The following CD200 variants were observed in gnomAD, a reference collection of about 807,000 sequenced individuals.
CD200 encodes the protein OX-2 membrane glycoprotein.
In CD200, 15 loss-of-function variants were observed where a neutral mutation model predicts 30.9. The observed-to-expected ratio is 0.49, with a 90% CI of 0.32 to 0.75. CD200 has a LOEUF of 0.75. CD200 is among the 30% of genes least tolerant of loss of function. The probability of loss-of-function intolerance (pLI) is 0.03; values close to 1 mark genes in which losing one functional copy is unlikely to be tolerated. For synonymous variants in CD200, 134 were observed against 126.2 expected (o/e 1.06, Z -0.41); for missense variants, 262 against 324.2 (o/e 0.81, Z 1.47).
chr3:112,347,196 G>C (rs1276921895), intron 3 of CD200, among the ~76,000 whole-genome samples: 2 of 152,236 alleles, frequency 1.3e-5, no homozygotes, highest in East Asian at 3.8e-4. Context: ...GGAATACCCA[G>C]AAGAAGGCAG....
At chr3:112,342,792 AT>A (rs1278594548) in intron 2 of CD200, among the ~76,000 whole-genome samples, 1 of 152,032 alleles carries the variant, frequency 6.6e-6, no homozygotes, top group Admixed American at 6.6e-5. Context: ...ATAATTTATG[AT>A]TTTTTCTATG....
chr3:112,346,752 A>T (rs974880890), intron 3 of CD200, among the ~76,000 whole-genome samples: 4 of 152,246 alleles, frequency 2.6e-5, no homozygotes, highest in African/African-American at 9.6e-5. Flanking sequence ...TCCAAAGCCA[A>T]CCACAGAAAG....
At position 112,359,783 on chromosome 3, in the gene CD200, A is replaced by G. The variant is rs2081701679; in HGVS notation, c.803-1760A>G. Among the ~76,000 whole-genome samples, 3 of 152,234 alleles carry G rather than the reference A, an allele frequency of 2.0e-5. No homozygotes were observed. The South Asian group carries it at 6.2e-4, about 32-fold the overall frequency. ...AGAAATGACAAGTGAATCAACAAAT[A>G]AGGATACTATTAAAACACGAGATTT... On this transcript the variant is annotated intron_variant, in intron 5 of 5. Coordinates refer to ENST00000315711, the MANE Select transcript of CD200 (RefSeq NM_005944.7).
At chr3:112,338,478 A>G (rs2081168353) in intron 1 of CD200, among the ~76,000 whole-genome samples, 1 of 152,214 alleles carries the variant, frequency 6.6e-6, no homozygotes, top group Non-Finnish European at 1.5e-5. Context: ...ATTTCAAGTC[A>G]TTGAAAGAAT....
chr3:112,360,372 T>C (rs1371570976), intron 5 of CD200, among the ~76,000 whole-genome samples: 3 of 151,858 alleles, frequency 2.0e-5, no homozygotes, highest in Non-Finnish European at 4.4e-5. Context: ...GCAGTGTTAC[T>C]CCCAATATGG....
intron 1 of CD200, chr3:112,333,578 C>T (rs2081047133): frequency 2.0e-6 from 2 of 985,298 alleles, no homozygotes; most frequent in South Asian, 4.7e-5. Flanking sequence ...GCTCCAGCTC[C>T]CAAAACTGGG....
chr3:112,347,657 TC>T lies in CD200; in HGVS notation c.524del (p.Pro175LeufsTer10), dbSNP rs1302350168. 6.2e-7 allele frequency: 1 copy of T among 1,613,904 alleles called. No homozygotes were observed. The highest frequency in any genetic ancestry group is 8.5e-7 in the Non-Finnish European group (1 of 1,179,968). On this transcript the variant is annotated frameshift_variant, in exon 4 of 6. Coordinates refer to ENST00000315711, the MANE Select transcript of CD200 (RefSeq NM_005944.7). LOFTEE classifies it high-confidence loss of function. ...CCAGCCCCCATGGTCTTCTGGAAGGTCCCTCGGTCAGGGATTGAAAATAGTA... is the reference window on the plus strand; with the variant it reads ...CCAGCCCCCATGGTCTTCTGGAAGGTCCTCGGTCAGGGATTGAAAATAGTA... ...ARPAPMVFWK[V>X]PRSGIENSTV...
At position 112,340,895 on chromosome 3, in the gene CD200, T is replaced by C; in HGVS notation, c.13-7T>C. The C allele has an allele frequency of 6.3e-7, 1 of 1,577,066 alleles. No individual in the cohort carries two copies. Among genetic ancestry groups the C allele is most frequent in the Non-Finnish European group, 8.7e-7 (1 of 1,147,364 alleles). ...CCCCATTTCTGTACTTTGCTTTCTG[T>C]CTTCAGGTGATCAGGATGCCCTTCT... On this transcript the variant is annotated splice_polypyrimidine_tract_variant and splice_region_variant and intron_variant, in intron 1 of 5. Coordinates refer to ENST00000315711, the MANE Select transcript of CD200 (RefSeq NM_005944.7).
chr3:112,334,391 T>A, intron 1 of CD200: 1 of 252,118 alleles, frequency 4.0e-6, no homozygotes. Flanking sequence ...TCCCCCTATA[T>A]GATTTGATCG....
At chr3:112,335,954 G>A (rs771618235) in intron 1 of CD200, 14 of 1,611,216 alleles carry the variant, frequency 8.7e-6, no homozygotes, top group East Asian at 4.5e-5. Context: ...CTCTGACCAG[G>A]ACAATTGGGG....
At chr3:112,349,955 G>A (rs2108459255) in intron 5 of CD200, 136 bp downstream of exon 5, 2 of 1,331,980 alleles carry the variant, frequency 1.5e-6, no homozygotes, top group Non-Finnish European at 1.9e-6. Flanking sequence ...ATACAGAAAT[G>A]TTGATACTGT....
chr3:112,362,055 T>C lies in CD200; in HGVS notation c.*505T>C, dbSNP rs2081751994. 6.4e-6 allele frequency: 1 copy of C among 155,116 alleles called. No individual in the cohort carries two copies. Among genetic ancestry groups the C allele is most frequent in the Non-Finnish European group, 1.4e-5 (1 of 70,018 alleles). The allele number at this position is 155,116 out of a possible 1,614,324, so 9.6% of individuals were successfully genotyped here. A position where few individuals can be genotyped will look rare whatever the true frequency, so the allele number is the denominator to read the frequency against. On this transcript the variant is annotated 3_prime_UTR_variant, in exon 6 of 6. Transcript: ENST00000315711. ...ACAGAGAGCTTACCTTTTGCCTTTC[T>C]GTTGATGTTACATCTCTTCTTCCTA...
At chr3:112,358,672 C>T (rs747255654) in intron 5 of CD200, among the ~76,000 whole-genome samples, 1 of 151,934 alleles carries the variant, frequency 6.6e-6, no homozygotes, top group Non-Finnish European at 1.5e-5. Flanking sequence ...AGAGCGGCTA[C>T]CTGAAGGTGC....
At position 112,361,923 on chromosome 3, in the gene CD200, C is replaced by A; in HGVS notation, c.*373C>A. ...CATCCAAAGTATAAAGGAATTGGACCAAATAATTTACCACATAGCTCTAAA... is the reference window on the plus strand; with the variant it reads ...CATCCAAAGTATAAAGGAATTGGACAAAATAATTTACCACATAGCTCTAAA... On this transcript the variant is annotated 3_prime_UTR_variant, in exon 6 of 6. Transcript: ENST00000315711. The A allele has an allele frequency of 4.6e-6, 1 of 216,684 alleles. No homozygotes were observed. Among genetic ancestry groups the A allele is most frequent in the Non-Finnish European group, 9.0e-6 (1 of 111,140 alleles). 13.4% of individuals were successfully genotyped at this position (216,684 alleles called of 1,614,324 possible). A position where few individuals can be genotyped will look rare whatever the true frequency, so the allele number is the denominator to read the frequency against.
intron 5 of CD200, among the ~76,000 whole-genome samples, chr3:112,358,762 C>A (rs917017142): frequency 6.6e-6 from 1 of 152,216 alleles, no homozygotes; most frequent in Non-Finnish European, 1.5e-5. Context: ...GTCCTTACCA[C>A]AACTTGGCTG....
Position 112,339,307 on chromosome 3 carries a change from C to G in CD200, c.13-1595C>G, listed in dbSNP as rs1053258161. Among the ~76,000 whole-genome samples the G allele has an allele frequency of 5.3e-5, 8 of 152,122 alleles. No homozygotes were observed. The South Asian group carries it at 1.7e-3, about 31-fold the overall frequency. On this transcript the variant is annotated intron_variant, in intron 1 of 5. Transcript: ENST00000315711. ...AGCCAAAATTTTGCAATACCAAGAG[C>G]CTTGGCATTCCAGTTTCAAAAGACT...
chr3:112,356,608 A>G (rs530221143), intron 5 of CD200, among the ~76,000 whole-genome samples: 2 of 152,336 alleles, frequency 1.3e-5, no homozygotes, highest in African/African-American at 4.8e-5. Flanking sequence ...ATCTAACTGA[A>G]ATTCTTTTCA....
intron 3 of CD200, among the ~76,000 whole-genome samples, 164 bp downstream of exon 3, chr3:112,345,452 G>A (rs2108446582): frequency 6.6e-6 from 1 of 152,324 alleles, no homozygotes; most frequent in South Asian, 2.1e-4. Flanking sequence ...TATTTGGAGA[G>A]TTCATGGGGC....
rs890567960 is a variant in CD200 at position 112,347,716 on chromosome 3, T to A, written c.580T>A (p.Ser194Thr). The change falls in exon 4 of 6, where the codon TCT (serine) becomes ACT (threonine). Residue 194 changes from serine (S) to threonine (T), a missense_variant. Ser to Thr is a moderately conservative substitution (Grantham distance 58). Transcript: ENST00000315711. Reference sequence around the variant, plus strand: ...TCTGTCTCACCCAAATGGGACCACGTCTGTTACCAGCATCCTCCATATCAA... The same window carrying A: ...TCTGTCTCACCCAAATGGGACCACGACTGTTACCAGCATCCTCCATATCAA... The part of the protein sequence containing the change: ...VTLSHPNGTT[S>T]VTSILHIKDP... 1.9e-6 allele frequency: 3 copies of A among 1,613,832 alleles called. No individual in the cohort carries two copies. The African/African-American group carries it at 4.0e-5, about 22-fold the overall frequency.
Sources: gnomAD v4.1 joint callset for allele counts (sites outside exome capture counted in the v4.1 genomes callset) on GRCh38, gnomAD v4.1.1 for gene constraint, MANE v1.5 for transcripts, NCBI Gene and HGNC (gene_info 2026-07-23, HGNC 2026-07-21) for gene names.